Variants in BCL2L11 observed in about 807,000 individuals in gnomAD.
BCL2L11 encodes BCL2 like 11.
A neutral mutation model predicts 20.6 loss-of-function variants in BCL2L11; 15 were observed. The observed-to-expected ratio is 0.73, with a 90% CI of 0.49 to 1.12. The LOEUF (loss-of-function observed/expected upper bound fraction) is 1.12, where lower values mean the gene tolerates loss of function less well. Among genes scored for constraint, BCL2L11 ranks in the 50% most tolerant of loss-of-function variants. BCL2L11 has a pLI of 0.00. For missense variants in BCL2L11, 292 were observed against 260.9 expected, an observed-to-expected ratio of 1.12 and a Z score of -0.82; for synonymous variants, 108 against 92.8, an observed-to-expected ratio of 1.16 and a Z score of -0.94.
At chr2:111,136,100 G>A (rs755446209) in intron 2 of BCL2L11, among the ~76,000 whole-genome samples, 4 of 152,140 alleles carry the variant, frequency 2.6e-5, no homozygotes, top group Admixed American at 6.5e-5. Context: ...TGGTTTTCCC[G>A]TTGCTGTTTG....
chr2:111,164,122 T>C lies in BCL2L11; in HGVS notation c.499-11T>C. The stretch of plus-strand genomic sequence containing the variant: ...GGGAGAAACTAAGAAGCTTTCCTTT[T>C]GTTGTTTCAGGTATTTTTGAATAAT... On this transcript the variant is annotated splice_polypyrimidine_tract_variant and intron_variant, in intron 3 of 3. Transcript: ENST00000393256. 1 of 1,549,422 alleles carries C rather than the reference T, an allele frequency of 6.5e-7. No homozygotes were observed. Among genetic ancestry groups the C allele is most frequent in the Non-Finnish European group, 8.9e-7 (1 of 1,121,234 alleles).
At chr2:111,130,423 G>T (rs1230241086) in intron 2 of BCL2L11, among the ~76,000 whole-genome samples, 1 of 152,166 alleles carries the variant, frequency 6.6e-6, no homozygotes, top group African/African-American at 2.4e-5. Flanking sequence ...GCATCTATGT[G>T]TTCACTTGTA....
At chr2:111,122,718 T>C (rs1198428148) in intron 1 of BCL2L11, 1 of 982,346 alleles carries the variant, frequency 1.0e-6, no homozygotes, top group Non-Finnish European at 1.2e-6. Context: ...AGCCCTCGGC[T>C]GCCCGGCGGA....
chr2:111,148,089 A>G (rs1334528915), intron 2 of BCL2L11, among the ~76,000 whole-genome samples: 1 of 152,216 alleles, frequency 6.6e-6, no homozygotes, highest in Admixed American at 6.5e-5. Flanking sequence ...TCTGTAGTTC[A>G]CAGATGTCCT....
intron 1 of BCL2L11, chr2:111,122,725 C>T: frequency 5.1e-6 from 5 of 983,222 alleles, no homozygotes; most frequent in Non-Finnish European, 6.0e-6. Flanking sequence ...GGCTGCCCGG[C>T]GGAGCGCGGC....
chr2:111,149,192 A>C (rs1052542425), intron 2 of BCL2L11, among the ~76,000 whole-genome samples: 1 of 152,238 alleles, frequency 6.6e-6, no homozygotes, highest in South Asian at 2.1e-4. Context: ...TTCCTAATGC[A>C]TAATGGGATC....
At chr2:111,135,124 A>G (rs1444444073) in intron 2 of BCL2L11, among the ~76,000 whole-genome samples, 1 of 152,290 alleles carries the variant, frequency 6.6e-6, no homozygotes, top group African/African-American at 2.4e-5. Flanking sequence ...CTCTGATGAT[A>G]AGAATGTTAG....
intron 3 of BCL2L11, among the ~76,000 whole-genome samples, chr2:111,160,531 C>G (rs1259423050): frequency 6.6e-6 from 1 of 152,182 alleles, no homozygotes; most frequent in African/African-American, 2.4e-5. Context: ...GAGTCATCTT[C>G]TGGACACATG....
rs1292323579 is a variant in BCL2L11, at chr2:111,165,865, A to G, written c.*1634A>G. On this transcript the variant is annotated 3_prime_UTR_variant, in exon 4 of 4. Coordinates refer to ENST00000393256, the MANE Select transcript of BCL2L11 (RefSeq NM_138621.5). ...AAGAGCCAGCATGTTCACGTTATTTAAATTAGGTGGAAAAATCTAAACATT... is the reference window on the plus strand; with the variant it reads ...AAGAGCCAGCATGTTCACGTTATTTGAATTAGGTGGAAAAATCTAAACATT... 1 of 152,212 alleles carries G rather than the reference A, an allele frequency of 6.6e-6. No individual in the cohort carries two copies. The highest frequency in any genetic ancestry group is 1.5e-5 in the Non-Finnish European group (1 of 68,030). 9.4% of individuals were successfully genotyped at this position (152,212 alleles called of 1,614,324 possible).
At chr2:111,153,976 G>T in intron 3 of BCL2L11, 1 of 1,410,276 alleles carries the variant, frequency 7.1e-7, no homozygotes, top group Non-Finnish European at 9.3e-7. Flanking sequence ...GAACCTGCCG[G>T]GCTGAACGGC....
At chr2:111,133,336 C>T (rs951651049) in intron 2 of BCL2L11, among the ~76,000 whole-genome samples, 1 of 152,232 alleles carries the variant, frequency 6.6e-6, no homozygotes, top group Non-Finnish European at 1.5e-5. Context: ...TACCCCCTTT[C>T]GCTTTTCTAA....
At chr2:111,142,271 A>C in intron 2 of BCL2L11, 1 of 1,499,468 alleles carries the variant, frequency 6.7e-7, no homozygotes, top group Non-Finnish European at 9.1e-7. Flanking sequence ...GTCTGGGAAG[A>C]CATGGCACAA....
chr2:111,142,031 AGT>A (rs1489827799), intron 2 of BCL2L11, among the ~76,000 whole-genome samples: 2 of 152,170 alleles, frequency 1.3e-5, no homozygotes, highest in African/African-American at 4.8e-5. Flanking sequence ...TGTATCACAC[AGT>A]GTGTTTCTCA....
chr2:111,150,458 C>T (rs1422391816), intron 3 of BCL2L11, among the ~76,000 whole-genome samples: 1 of 152,214 alleles, frequency 6.6e-6, no homozygotes, highest in Non-Finnish European at 1.5e-5. Flanking sequence ...ACATAGGTTT[C>T]AATCCATGTA....
At chr2:111,151,516 T>C (rs1310891014) in intron 3 of BCL2L11, among the ~76,000 whole-genome samples, 1 of 152,230 alleles carries the variant, frequency 6.6e-6, no homozygotes, top group East Asian at 1.9e-4. Flanking sequence ...TTTTTTAATC[T>C]GTTTTCTAGG....
At chr2:111,123,705 A>G (rs375665397) in intron 1 of BCL2L11, 28 bp from the exon 2 acceptor site, 83 of 1,392,188 alleles carry the variant, frequency 6.0e-5, no homozygotes, top group Non-Finnish European at 7.5e-5. Context: ...TTTGCTTAAA[A>G]TAATCTTAGT....
intron 3 of BCL2L11, among the ~76,000 whole-genome samples, chr2:111,154,767 C>G (rs2077635839): frequency 6.6e-6 from 1 of 152,216 alleles, no homozygotes; most frequent in Admixed American, 6.5e-5. Flanking sequence ...TTATAAAGGA[C>G]AAAGAGCTTT....
At chr2:111,161,817 CCCTTTATACCACCCCAAAA>C (rs1330020545) in intron 3 of BCL2L11, among the ~76,000 whole-genome samples, 1 of 152,222 alleles carries the variant, frequency 6.6e-6, no homozygotes, top group African/African-American at 2.4e-5. Flanking sequence ...TCCCTCCTGA[CCCTTTATACCACCCCAAAA>C]CCAAAGGCCC....
In BCL2L11 at chr2:111,120,979, TGCCGCC is replaced by T. The variant is rs5833391; in HGVS notation, c.-186_-181del. On this transcript the variant is annotated 5_prime_UTR_variant, in exon 1 of 4. Coordinates refer to ENST00000393256, the MANE Select transcript of BCL2L11 (RefSeq NM_138621.5). ...GCTCTGCGTCCAGCGCCGCTGCCGC[TGCCGCC>T]GCCGCCGCCGCCGCCGCCGCCGCCG... 0.013 allele frequency: 4,130 copies of T among 309,424 alleles called. 48 individuals carry two copies. The highest frequency in any genetic ancestry group is 0.042 in the South Asian group (718 of 17,040). The allele number at this position is 309,424 out of a possible 1,614,324, so 19.2% of individuals were successfully genotyped here. A position where few individuals can be genotyped will look rare whatever the true frequency, so the allele number is the denominator to read the frequency against.
Sources: gnomAD v4.1 joint callset for allele counts (sites outside exome capture counted in the v4.1 genomes callset) on GRCh38, gnomAD v4.1.1 for gene constraint, MANE v1.5 for transcripts, NCBI Gene and HGNC (gene_info 2026-07-23, HGNC 2026-07-21) for gene names.